The following NRG1 variants were observed in gnomAD, a reference collection of about 807,000 sequenced individuals.
NRG1 encodes the protein pro-neuregulin-1, membrane-bound isoform.
In NRG1, 18 loss-of-function variants were observed where a neutral mutation model predicts 63.8. That is an observed-to-expected ratio of 0.28 (90% CI 0.19 to 0.42). The LOEUF (loss-of-function observed/expected upper bound fraction) is 0.42, where lower values mean the gene tolerates loss of function less well. Ranked by LOEUF, NRG1 falls within the 10% of genes least tolerant of loss-of-function variation. The probability of loss-of-function intolerance (pLI) is 1.00; values close to 1 mark genes in which losing one functional copy is unlikely to be tolerated. For missense variants in NRG1, 762 were observed against 814.7 expected (o/e 0.94, Z 0.79); for synonymous variants, 302 against 301.3 (o/e 1.00, Z -0.02).
At chr8:31,958,117 G>A (rs1003193091) in intron 1 of NRG1, among the ~76,000 whole-genome samples, 5 of 147,638 alleles carry the variant, frequency 3.4e-5, no homozygotes, top group South Asian at 4.3e-4. Flanking sequence ...GTTTGTGTGT[G>A]TGTTTGTGTG....
At chr8:32,335,360 AGGAGTTC>A (rs2129477881) in intron 1 of NRG1, among the ~76,000 whole-genome samples, 1 of 152,314 alleles carries the variant, frequency 6.6e-6, no homozygotes, top group South Asian at 2.1e-4. Context: ...ATTGTGATTA[AGGAGTTC>A]ACACAGACAA....
chr8:31,917,067 G>T (rs1263852349), intron 1 of NRG1, among the ~76,000 whole-genome samples: 3 of 149,312 alleles, frequency 2.0e-5, no homozygotes, highest in South Asian at 2.1e-4. Flanking sequence ...TTTTTTTCTT[G>T]TAAATTTATT....
intron 1 of NRG1, chr8:32,221,087 G>GA (rs1351313978): frequency 1.3e-5 from 2 of 151,962 alleles, no homozygotes; most frequent in Admixed American, 1.3e-4. Flanking sequence ...ATGGATGCAT[G>GA]AAAAAAAGAA....
chr8:31,921,890 C>G (rs1833950024), intron 1 of NRG1, among the ~76,000 whole-genome samples: 2 of 152,058 alleles, frequency 1.3e-5, no homozygotes, highest in Non-Finnish European at 2.9e-5. Flanking sequence ...CATGTCCCCT[C>G]TATATGAGAC....
At chr8:32,577,488 A>G (rs1009642727) in intron 1 of NRG1, among the ~76,000 whole-genome samples, 1 of 152,342 alleles carries the variant, frequency 6.6e-6, no homozygotes, top group South Asian at 2.1e-4. Flanking sequence ...ACAAAGCAAG[A>G]CAAAACAAAA....
At chr8:31,856,999 A>T (rs542827400) in intron 1 of NRG1, among the ~76,000 whole-genome samples, 1 of 134,154 alleles carries the variant, frequency 7.5e-6, no homozygotes, top group Non-Finnish European at 1.6e-5. Context: ...TGCTGGGAGA[A>T]CCACTGCTCT....
chr8:31,995,510 G>A (rs541151420), intron 1 of NRG1, among the ~76,000 whole-genome samples: 2 of 151,970 alleles, frequency 1.3e-5, no homozygotes, highest in African/African-American at 4.8e-5. Flanking sequence ...TAGAACACCC[G>A]GAGTCAGCTG....
intron 1 of NRG1, among the ~76,000 whole-genome samples, chr8:32,297,043 A>T (rs991781524): frequency 6.6e-6 from 1 of 152,036 alleles, no homozygotes; most frequent in African/African-American, 2.4e-5. Flanking sequence ...TGAAACCAGG[A>T]GGCGGAGGTT....
At chr8:32,728,581 T>A in intron 6 of NRG1, 2 of 984,618 alleles carry the variant, frequency 2.0e-6, no homozygotes, top group Non-Finnish European at 2.4e-6. Flanking sequence ...GTTGCATAAC[T>A]ATTTTTTAAA....
intron 1 of NRG1, among the ~76,000 whole-genome samples, chr8:32,502,009 A>C (rs1652393129): frequency 1.3e-5 from 2 of 152,188 alleles, no homozygotes; most frequent in South Asian, 4.1e-4. Context: ...TGCTCATTTT[A>C]AAAGTAGTTT....
intron 1 of NRG1, among the ~76,000 whole-genome samples, chr8:31,937,618 A>G (rs1563590518): frequency 6.6e-6 from 1 of 152,054 alleles, no homozygotes; most frequent in South Asian, 2.1e-4. Flanking sequence ...GTATGGGGCA[A>G]TTTCTCAGCC....
intron 1 of NRG1, among the ~76,000 whole-genome samples, chr8:31,927,967 T>TA (rs202173409): frequency 0.01 from 1,530 of 147,442 alleles, 24 homozygotes; most frequent in African/African-American, 0.037. Flanking sequence ...GTGCACCCAT[T>TA]AACTCGTCAT....
chr8:31,903,009 A>G (rs1182126411), intron 1 of NRG1, among the ~76,000 whole-genome samples: 1 of 152,216 alleles, frequency 6.6e-6, no homozygotes, highest in Admixed American at 6.5e-5. Context: ...ATATTGTGAG[A>G]AAGCCCAAAC....
intron 5 of NRG1, among the ~76,000 whole-genome samples, chr8:32,718,676 C>T (rs771787976): frequency 6.6e-6 from 1 of 152,154 alleles, no homozygotes; most frequent in Non-Finnish European, 1.5e-5. Flanking sequence ...TGCTGCCTCT[C>T]ACCACCAAAC....
intron 1 of NRG1, among the ~76,000 whole-genome samples, chr8:32,018,568 T>C (rs1468369000): frequency 6.6e-6 from 1 of 152,212 alleles, no homozygotes; most frequent in Non-Finnish European, 1.5e-5. Flanking sequence ...CTGAGTAAAA[T>C]GCTTTTTATT....
chr8:32,576,864 T>C (rs963798077), intron 1 of NRG1, among the ~76,000 whole-genome samples: 1 of 152,146 alleles, frequency 6.6e-6, no homozygotes, highest in African/African-American at 2.4e-5. Context: ...TGCAAGTTTG[T>C]CATATGAGTG....
chr8:32,127,099 A>G (rs535910574), intron 1 of NRG1, among the ~76,000 whole-genome samples: 1 of 152,050 alleles, frequency 6.6e-6, no homozygotes, highest in South Asian at 2.1e-4. Context: ...GTAGTTTCCT[A>G]TCCCAGAGAG....
chr8:32,132,829 A>G (rs1322142938), intron 1 of NRG1, among the ~76,000 whole-genome samples: 2 of 152,120 alleles, frequency 1.3e-5, no homozygotes, highest in African/African-American at 2.4e-5. Context: ...TATTTTAATT[A>G]ACGAAAAAGC....
At chr8:32,541,284 T>A (rs1317791301) in intron 1 of NRG1, among the ~76,000 whole-genome samples, 1 of 152,112 alleles carries the variant, frequency 6.6e-6, no homozygotes, top group African/African-American at 2.4e-5. Flanking sequence ...GATGTTTTCA[T>A]AAAGATTTAG....
Sources: gnomAD v4.1 joint callset for allele counts (sites outside exome capture counted in the v4.1 genomes callset) on GRCh38, gnomAD v4.1.1 for gene constraint, MANE v1.5 for transcripts, NCBI Gene and HGNC (gene_info 2026-07-23, HGNC 2026-07-21) for gene names.